CNTNAP5: variants seen among roughly 807,000 people sequenced by gnomAD.
CNTNAP5 encodes contactin-associated protein-like 5.
In CNTNAP5, 72 loss-of-function variants were observed where a neutral mutation model predicts 150.2. That is an observed-to-expected ratio of 0.48 (90% CI 0.40 to 0.58). The LOEUF is 0.58. Among genes scored for constraint, CNTNAP5 ranks in the 20% least tolerant of loss-of-function variants. The pLI is 0.00. For synonymous variants in CNTNAP5, 672 were observed against 619.8 expected, an observed-to-expected ratio of 1.08 and a Z score of -1.25; for missense variants, 1,636 against 1,626.2, an observed-to-expected ratio of 1.01 and a Z score of -0.10.
chr2:124,163,824 T>C (rs1302286413), intron 1 of CNTNAP5, among the ~76,000 whole-genome samples: 1 of 151,380 alleles, frequency 6.6e-6, no homozygotes. Flanking sequence ...AAATCTTCTC[T>C]TTCTTTTAAC....
At chr2:124,713,288 T>TC (rs1558746766) in intron 13 of CNTNAP5, among the ~76,000 whole-genome samples, 5 of 128,602 alleles carry the variant, frequency 3.9e-5, no homozygotes, top group South Asian at 2.9e-4. Context: ...TTTCTTTCTT[T>TC]CTTTCTTTCT....
At chr2:124,835,500 G>A (rs1474010095) in intron 19 of CNTNAP5, among the ~76,000 whole-genome samples, 1 of 152,164 alleles carries the variant, frequency 6.6e-6, no homozygotes, top group Admixed American at 6.5e-5. Flanking sequence ...AGGGGCAGTT[G>A]CTTGGAAGTT....
At chr2:124,111,863 T>A (rs1382766676) in intron 1 of CNTNAP5, among the ~76,000 whole-genome samples, 2 of 152,182 alleles carry the variant, frequency 1.3e-5, no homozygotes, top group East Asian at 1.9e-4. Context: ...TCTATTCAGG[T>A]TTTTTTAAGA....
At chr2:124,488,439 C>T (rs1693942635) in intron 7 of CNTNAP5, among the ~76,000 whole-genome samples, 1 of 152,134 alleles carries the variant, frequency 6.6e-6, no homozygotes, top group Non-Finnish European at 1.5e-5. Context: ...CCCCAAGATA[C>T]GTAACTAGCA....
chr2:124,540,042 G>A (rs955731353), intron 10 of CNTNAP5, among the ~76,000 whole-genome samples: 1 of 152,166 alleles, frequency 6.6e-6, no homozygotes. Flanking sequence ...AGCTAAAACA[G>A]AGAGTTAATT....
intron 1 of CNTNAP5, among the ~76,000 whole-genome samples, chr2:124,087,686 T>C (rs1470049618): frequency 7.2e-5 from 11 of 151,880 alleles, no homozygotes; most frequent in Middle Eastern, 3.4e-3. Context: ...GGTGCCACTG[T>C]ACTCCAGCCT....
chr2:124,725,407 C>G (rs903486911), intron 13 of CNTNAP5, among the ~76,000 whole-genome samples: 2 of 151,698 alleles, frequency 1.3e-5, no homozygotes, highest in African/African-American at 4.8e-5. Flanking sequence ...ACTAACATAT[C>G]CATGACCTCA....
chr2:124,823,508 C>T (rs1465308239), intron 19 of CNTNAP5, among the ~76,000 whole-genome samples: 3 of 152,262 alleles, frequency 2.0e-5, no homozygotes, highest in East Asian at 1.9e-4. Flanking sequence ...ATCTGTTTAA[C>T]CTTGATTTTA....
chr2:124,870,034 T>C (rs564006226), intron 21 of CNTNAP5, among the ~76,000 whole-genome samples: 1 of 152,136 alleles, frequency 6.6e-6, no homozygotes, highest in Non-Finnish European at 1.5e-5. Context: ...TTTTCAAATA[T>C]ATTTTTAAGT....
At chr2:124,083,264 C>A (rs1191382662) in intron 1 of CNTNAP5, among the ~76,000 whole-genome samples, 1 of 152,144 alleles carries the variant, frequency 6.6e-6, no homozygotes, top group African/African-American at 2.4e-5. Flanking sequence ...AGGAGAATTG[C>A]TTGAACCCGA....
At chr2:124,680,196 A>G (rs565631218) in intron 13 of CNTNAP5, among the ~76,000 whole-genome samples, 6 of 151,944 alleles carry the variant, frequency 3.9e-5, no homozygotes, top group African/African-American at 1.4e-4. Context: ...TTCAGCATAA[A>G]TGTCATGTAC....
At chr2:124,747,026 CA>C (rs1262336795) in intron 13 of CNTNAP5, among the ~76,000 whole-genome samples, 1 of 150,180 alleles carries the variant, frequency 6.7e-6, no homozygotes, top group Non-Finnish European at 1.5e-5. Flanking sequence ...AAAGAAGGAA[CA>C]AAAAAATGAG....
At chr2:124,307,067 G>A (rs1688711728) in intron 3 of CNTNAP5, among the ~76,000 whole-genome samples, 1 of 152,076 alleles carries the variant, frequency 6.6e-6, no homozygotes. Context: ...TGGAGGCAGG[G>A]ATGAAGAAGA....
rs528855997 is a variant in CNTNAP5 at position 124,371,611 on chromosome 2, A to T, written c.382-45832A>T. On this transcript the variant is annotated intron_variant, in intron 3 of 23. Coordinates refer to ENST00000682447, the MANE Select transcript of CNTNAP5 (RefSeq NM_001367498.1). Reference sequence around the variant, plus strand: ...AGATCTAATACATGGCACTTCCTAAATTTTGGGGACTCTTGCAACTGAAGC... The same window carrying T: ...AGATCTAATACATGGCACTTCCTAATTTTTGGGGACTCTTGCAACTGAAGC... Among the ~76,000 whole-genome samples, 36 of 152,240 alleles carry T rather than the reference A, an allele frequency of 2.4e-4. 2 individuals carry two copies. In the South Asian group the frequency reaches 7.5e-3, roughly 32 times the overall value.
intron 7 of CNTNAP5, among the ~76,000 whole-genome samples, chr2:124,496,339 T>C (rs1195869664): frequency 1.3e-5 from 2 of 152,150 alleles, no homozygotes; most frequent in Non-Finnish European, 2.9e-5. Flanking sequence ...TTAGAAATGG[T>C]TGTACTCATT....
intron 7 of CNTNAP5, among the ~76,000 whole-genome samples, chr2:124,499,275 G>A (rs549800108): frequency 5.3e-5 from 8 of 152,154 alleles, no homozygotes; most frequent in African/African-American, 1.9e-4. Flanking sequence ...TAAGGCATGG[G>A]CAGTTATCAA....
At chr2:124,880,016 C>A (rs187897559) in intron 21 of CNTNAP5, among the ~76,000 whole-genome samples, 4 of 152,112 alleles carry the variant, frequency 2.6e-5, no homozygotes, top group Non-Finnish European at 5.9e-5. Context: ...TAGGTGCTTT[C>A]CCACACAGAA....
intron 2 of CNTNAP5, among the ~76,000 whole-genome samples, chr2:124,226,157 T>A (rs1409587662): frequency 6.6e-6 from 1 of 152,014 alleles, no homozygotes; most frequent in Non-Finnish European, 1.5e-5. Flanking sequence ...GATTTTATGG[T>A]AGTTTCTTTT....
chr2:124,187,660 GT>G (rs1248494666), intron 1 of CNTNAP5, among the ~76,000 whole-genome samples: 1 of 152,156 alleles, frequency 6.6e-6, no homozygotes, highest in Non-Finnish European at 1.5e-5. Flanking sequence ...CTGGTATAAA[GT>G]CTGAGGTTCA....
Sources: allele counts gnomAD v4.1 joint callset (sites outside exome capture counted in the v4.1 genomes callset), GRCh38; gene constraint gnomAD v4.1.1; transcripts MANE v1.5; gene names NCBI Gene and HGNC (gene_info 2026-07-23, HGNC 2026-07-21).